Variants in KAZN observed in about 807,000 individuals in gnomAD.
KAZN encodes the protein kazrin.
Under a neutral mutation model 87.4 loss-of-function variants are expected in KAZN, and 40 were observed. That is an observed-to-expected ratio of 0.46 (90% CI 0.36 to 0.60). The LOEUF is 0.60. Among genes scored for constraint, KAZN ranks in the 20% least tolerant of loss-of-function variants. The pLI, the probability that KAZN is intolerant of heterozygous loss-of-function variation, is 0.00. For synonymous variants in KAZN, 466 were observed against 458.3 expected (o/e 1.02, Z -0.22); for missense variants, 898 against 1,073.9 (o/e 0.84, Z 2.29).
chr1:15,086,817 A>G (rs1334058688), intron 8 of KAZN, among the ~76,000 whole-genome samples: 2 of 152,236 alleles, frequency 1.3e-5, no homozygotes. Flanking sequence ...AGGTTTTATT[A>G]AGGTAAATAG....
chr1:14,674,749 C>G (rs1018436087), intron 1 of KAZN, among the ~76,000 whole-genome samples: 13 of 152,088 alleles, frequency 8.5e-5, no homozygotes, highest in African/African-American at 2.9e-4. Context: ...CATTTTATCT[C>G]CAGATGTGCC....
chr1:14,750,115 T>G (rs1401257005), intron 1 of KAZN, among the ~76,000 whole-genome samples: 2 of 152,146 alleles, frequency 1.3e-5, no homozygotes, highest in African/African-American at 4.8e-5. Flanking sequence ...ATGCGGCCAT[T>G]GTGAGAAGCT....
chr1:14,938,506 CA>C (rs1226192909), intron 1 of KAZN, among the ~76,000 whole-genome samples: 4 of 148,560 alleles, frequency 2.7e-5, no homozygotes, highest in African/African-American at 1.0e-4. Context: ...CGCACCACTG[CA>C]CTCCAGCCTG....
At chr1:14,843,431 TAGGCAGAG>T (rs986616110) in intron 1 of KAZN, among the ~76,000 whole-genome samples, 3 of 152,178 alleles carry the variant, frequency 2.0e-5, no homozygotes, top group Non-Finnish European at 4.4e-5. Context: ...AGTAGTTTTC[TAGGCAGAG>T]AGAAGGGCAC....
intron 2 of KAZN, among the ~76,000 whole-genome samples, chr1:14,592,409 C>A (rs553940549): frequency 6.6e-6 from 1 of 152,250 alleles, no homozygotes; most frequent in Non-Finnish European, 1.5e-5. Flanking sequence ...GTGTCTGGAC[C>A]GGTGAGTCTC....
intron 2 of KAZN, among the ~76,000 whole-genome samples, chr1:14,282,085 AT>A (rs1427305452): frequency 1.3e-5 from 2 of 152,194 alleles, no homozygotes; most frequent in African/African-American, 4.8e-5. Context: ...TGGAAAAAAA[AT>A]ATTTTTGTTA....
intron 1 of KAZN, among the ~76,000 whole-genome samples, chr1:14,702,153 G>A (rs1641958004): frequency 6.6e-6 from 1 of 152,180 alleles, no homozygotes; most frequent in Admixed American, 6.5e-5. Flanking sequence ...GAGGGGCTAT[G>A]TTCTTTGTTT....
intron 2 of KAZN, among the ~76,000 whole-genome samples, chr1:14,479,546 C>T (rs1668954859): frequency 6.6e-6 from 1 of 152,200 alleles, no homozygotes; most frequent in African/African-American, 2.4e-5. Flanking sequence ...CTATGCTGTT[C>T]CCTCTGCCTG....
chr1:15,095,916 C>G (rs927151391), intron 10 of KAZN, among the ~76,000 whole-genome samples: 2 of 152,100 alleles, frequency 1.3e-5, no homozygotes, highest in African/African-American at 4.8e-5. Flanking sequence ...GGATCAGAAA[C>G]TTAGGGAGCG....
rs1553175647 is a variant in KAZN at position 13,935,252 on chromosome 1, G to GTAGTAATAATAATAATAATAATAATAA, written c.91+41498_91+41499insGTAATAATAATAATAATAATAATAATA. ...AACTCCGTATCAAATAGTAGTAGTA[G>GTAGTAATAATAATAATAATAATAATAA]TAATAATAATAATAATAAGCCTTCA... On this transcript the variant is annotated intron_variant, in intron 1 of 16. Coordinates refer to the KAZN transcript ENST00000636203. Among the ~76,000 whole-genome samples the GTAGTAATAATAATAATAATAATAATAA allele has an allele frequency of 4.7e-3, 690 of 147,048 alleles. 2 individuals are homozygous for GTAGTAATAATAATAATAATAATAATAA. Among genetic ancestry groups the GTAGTAATAATAATAATAATAATAATAA allele is most frequent in the Non-Finnish European group, 6.3e-3 (423 of 67,024 alleles).
rs562157824 is a variant in KAZN at position 14,297,045 on chromosome 1, C to T, written c.249+116453C>T. 2.0e-5 allele frequency among the ~76,000 whole-genome samples: 3 copies of T among 152,232 alleles called. No individual in the cohort carries two copies. The East Asian group carries it at 5.8e-4, about 29-fold the overall frequency. On this transcript the variant is annotated intron_variant, in intron 2 of 16. Coordinates refer to the KAZN transcript ENST00000636203. ...ATGATGCTTTGGGATTATCCAGAGGCCAAGGCCCTCTGGCTGAGTCATGTA... is the reference window on the plus strand; with the variant it reads ...ATGATGCTTTGGGATTATCCAGAGGTCAAGGCCCTCTGGCTGAGTCATGTA...
At chr1:13,972,649 C>T (rs941110242) in intron 1 of KAZN, among the ~76,000 whole-genome samples, 1 of 152,156 alleles carries the variant, frequency 6.6e-6, no homozygotes, top group Non-Finnish European at 1.5e-5. Context: ...AGGACCAACC[C>T]ATCTCTCAGC....
At chr1:14,168,415 G>A (rs1040836294) in intron 1 of KAZN, among the ~76,000 whole-genome samples, 2 of 152,022 alleles carry the variant, frequency 1.3e-5, no homozygotes, top group African/African-American at 4.8e-5. Context: ...GGGAGACGCT[G>A]AATGTGAAAG....
At chr1:15,102,550 A>C (rs555371436) in intron 11 of KAZN, among the ~76,000 whole-genome samples, 1 of 152,260 alleles carries the variant, frequency 6.6e-6, no homozygotes, top group South Asian at 2.1e-4. Context: ...GAGTCCAGGT[A>C]GCTGACTTTT....
intron 2 of KAZN, among the ~76,000 whole-genome samples, chr1:14,294,843 G>A (rs1004039000): frequency 4.0e-5 from 6 of 151,536 alleles, no homozygotes; most frequent in African/African-American, 1.5e-4. Flanking sequence ...ACTCTAGAGT[G>A]CCTAGGTCAT....
intron 2 of KAZN, among the ~76,000 whole-genome samples, chr1:14,355,913 T>C (rs1658981586): frequency 6.6e-6 from 1 of 152,196 alleles, no homozygotes; most frequent in Non-Finnish European, 1.5e-5. Context: ...GTCTTTATAG[T>C]AGAATGACTT....
intron 1 of KAZN, among the ~76,000 whole-genome samples, chr1:14,019,990 G>A (rs2101245575): frequency 6.6e-6 from 1 of 152,122 alleles, no homozygotes; most frequent in African/African-American, 2.4e-5. Context: ...TGTCGAATCA[G>A]TGGGAGCCCT....
At chr1:14,475,978 A>C (rs960206249) in intron 2 of KAZN, among the ~76,000 whole-genome samples, 2 of 152,194 alleles carry the variant, frequency 1.3e-5, no homozygotes, top group African/African-American at 4.8e-5. Context: ...TTGAGACAAT[A>C]ATGAGGTTAT....
Position 15,117,793 on chromosome 1 carries a change from G to T in KAZN, c.*3158G>T, listed in dbSNP as rs890919554. 6.6e-6 allele frequency: 1 copy of T among 152,262 alleles called. No individual in the cohort carries two copies. Among genetic ancestry groups the T allele is most frequent in the African/African-American group, 2.4e-5 (1 of 41,452 alleles). The allele number at this position is 152,262 out of a possible 1,614,324, so 9.4% of individuals were successfully genotyped here. A position where few individuals can be genotyped will look rare whatever the true frequency, so the allele number is the denominator to read the frequency against. ...CTTCCACTCTGCTTTTCGAGGCTCCGGAGGGCTCTTCCTGCTGTGAAAGGA... is the reference window on the plus strand; with the variant it reads ...CTTCCACTCTGCTTTTCGAGGCTCCTGAGGGCTCTTCCTGCTGTGAAAGGA... On this transcript the variant is annotated 3_prime_UTR_variant, in exon 15 of 15. Coordinates refer to ENST00000376030, the MANE Select transcript of KAZN (RefSeq NM_201628.3).
Sources: gnomAD v4.1 joint callset for allele counts (sites outside exome capture counted in the v4.1 genomes callset) on GRCh38, gnomAD v4.1.1 for gene constraint, MANE v1.5 for transcripts, NCBI Gene and HGNC (gene_info 2026-07-23, HGNC 2026-07-21) for gene names.